Variants in CCDC178 observed in about 807,000 individuals in gnomAD.
CCDC178 encodes coiled-coil domain-containing protein 178.
A neutral mutation model predicts 117.4 loss-of-function variants in CCDC178; 126 were observed. That is an observed-to-expected ratio of 1.07 (90% CI 0.93 to 1.24). The LOEUF is 1.24. Among genes scored for constraint, CCDC178 ranks in the 50% most tolerant of loss-of-function variants. The probability of loss-of-function intolerance (pLI) is 0.00; values close to 1 mark genes in which losing one functional copy is unlikely to be tolerated. For synonymous variants in CCDC178, 283 were observed against 313.4 expected (o/e 0.90, Z 1.02); for missense variants, 1,030 against 986.9 (o/e 1.04, Z -0.59).
intron 6 of CCDC178, among the ~76,000 whole-genome samples, chr18:33,368,594 T>A (rs148256218): frequency 2.0e-4 from 31 of 152,078 alleles, no homozygotes; most frequent in South Asian, 4.1e-4. Flanking sequence ...TAACAGTTTA[T>A]CAACTGTTCA....
intron 21 of CCDC178, among the ~76,000 whole-genome samples, chr18:32,976,420 T>TC (rs1217895139): frequency 6.6e-6 from 1 of 152,084 alleles, no homozygotes; most frequent in Non-Finnish European, 1.5e-5. Context: ...TCAGGAATGA[T>TC]CCATAGGAGG....
intron 20 of CCDC178, among the ~76,000 whole-genome samples, chr18:33,190,033 T>A (rs903433494): frequency 2.1e-5 from 3 of 145,368 alleles, no homozygotes; most frequent in Non-Finnish European, 3.0e-5. Context: ...AAAGAAGCCC[T>A]AGACTACCAA....
At chr18:33,135,864 C>A (rs1868850501) in intron 20 of CCDC178, among the ~76,000 whole-genome samples, 1 of 152,188 alleles carries the variant, frequency 6.6e-6, no homozygotes, top group Admixed American at 6.5e-5. Context: ...CCATATCCTT[C>A]TTCTGGTAAT....
chr18:33,048,751 A>G (rs2144918734), intron 21 of CCDC178, among the ~76,000 whole-genome samples: 2 of 152,298 alleles, frequency 1.3e-5, no homozygotes, highest in South Asian at 4.1e-4. Context: ...TTATCAAGGG[A>G]GAAATGTGCA....
At chr18:33,059,308 G>A (rs2056883414) in intron 21 of CCDC178, among the ~76,000 whole-genome samples, 1 of 152,114 alleles carries the variant, frequency 6.6e-6, no homozygotes. Flanking sequence ...TAGTAGCTCT[G>A]CCTTCAATAT....
At chr18:32,967,083 AGT>A in intron 22 of CCDC178, among the ~76,000 whole-genome samples, 1 of 151,780 alleles carries the variant, frequency 6.6e-6, no homozygotes, top group African/African-American at 2.4e-5. Flanking sequence ...TATTAGAATA[AGT>A]ATATTGTTAT....
chr18:33,038,763 G>A (rs1270600100), intron 21 of CCDC178, among the ~76,000 whole-genome samples: 1 of 151,964 alleles, frequency 6.6e-6, no homozygotes, highest in Non-Finnish European at 1.5e-5. Context: ...ATCATGAAAT[G>A]GAATCTTAAG....
At chr18:33,205,334 G>A (rs1295646098) in intron 20 of CCDC178, among the ~76,000 whole-genome samples, 2 of 151,882 alleles carry the variant, frequency 1.3e-5, no homozygotes, top group Non-Finnish European at 2.9e-5. Context: ...TAAGTCAGAA[G>A]AGTCAATAAT....
chr18:33,405,951 A>G (rs2063774508), intron 3 of CCDC178, among the ~76,000 whole-genome samples: 1 of 152,102 alleles, frequency 6.6e-6, no homozygotes, highest in Non-Finnish European at 1.5e-5. Context: ...CTATATAAGT[A>G]TAAGCCAGGA....
chr18:33,205,387 G>C (rs1021659891), intron 20 of CCDC178, among the ~76,000 whole-genome samples: 2 of 151,986 alleles, frequency 1.3e-5, no homozygotes, highest in Admixed American at 1.3e-4. Context: ...AAAAGCAGGA[G>C]TTAATAGTAT....
intron 14 of CCDC178, among the ~76,000 whole-genome samples, chr18:33,248,716 G>A (rs534816400): frequency 5.3e-5 from 8 of 151,974 alleles, no homozygotes; most frequent in African/African-American, 9.6e-5. Context: ...GAATAGTGCC[G>A]CAATAAACAT....
chr18:33,176,197 CCTTAAAT>C (rs1460787670), intron 20 of CCDC178, among the ~76,000 whole-genome samples: 1 of 152,080 alleles, frequency 6.6e-6, no homozygotes, highest in Non-Finnish European at 1.5e-5. Context: ...CTTCTTTACA[CCTTAAAT>C]AGTGAAATTA....
chr18:33,403,471 A>G (rs2063737062), intron 3 of CCDC178, among the ~76,000 whole-genome samples: 1 of 151,710 alleles, frequency 6.6e-6, no homozygotes, highest in Non-Finnish European at 1.5e-5. Context: ...CCAGTTTTCA[A>G]CAAAAATGTA....
intron 21 of CCDC178, 62 bp from the exon 22 acceptor site, chr18:32,974,743 G>A: frequency 6.6e-7 from 1 of 1,521,200 alleles, no homozygotes; most frequent in South Asian, 1.1e-5. Context: ...TAATGGCAGT[G>A]TTCAAGAAGA....
At chr18:33,342,501 T>A (rs975508214) in intron 9 of CCDC178, among the ~76,000 whole-genome samples, 1 of 152,212 alleles carries the variant, frequency 6.6e-6, no homozygotes, top group Non-Finnish European at 1.5e-5. Flanking sequence ...ACTGGAATTG[T>A]ATCTCCAAAT....
At chr18:33,110,332 A>G (rs1276143795) in intron 20 of CCDC178, among the ~76,000 whole-genome samples, 9 of 151,634 alleles carry the variant, frequency 5.9e-5, no homozygotes, top group Non-Finnish European at 1.0e-4. Flanking sequence ...ATTTTCTCCT[A>G]AGATGTAACT....
chr18:33,041,441 A>T (rs919090849), intron 21 of CCDC178, among the ~76,000 whole-genome samples: 1 of 150,746 alleles, frequency 6.6e-6, no homozygotes, highest in African/African-American at 2.4e-5. Flanking sequence ...AATATATGTT[A>T]TATTAGAAAA....
intron 21 of CCDC178, among the ~76,000 whole-genome samples, chr18:33,089,482 T>A (rs574200020): frequency 1.5e-4 from 23 of 152,250 alleles, no homozygotes; most frequent in African/African-American, 5.1e-4. Flanking sequence ...GCACAAATAC[T>A]TTGTCCACAC....
At chr18:33,109,240 G>A (rs942180939) in intron 20 of CCDC178, among the ~76,000 whole-genome samples, 3 of 151,558 alleles carry the variant, frequency 2.0e-5, no homozygotes, top group African/African-American at 7.3e-5. Context: ...ACAGATTGCT[G>A]GGTTTCTCAG....
Sources: gnomAD v4.1 joint callset for allele counts (sites outside exome capture counted in the v4.1 genomes callset) on GRCh38, gnomAD v4.1.1 for gene constraint, MANE v1.5 for transcripts, NCBI Gene and HGNC (gene_info 2026-07-23, HGNC 2026-07-21) for gene names.